The following CLEC12A variants were observed in gnomAD, a reference collection of about 807,000 sequenced individuals.
CLEC12A encodes the protein C-type lectin domain family 12 member A, also known as C-type lectin protein CLL-1.
CLEC12A carries 22 observed loss-of-function variants against 26.5 expected under a neutral mutation model. The ratio of observed to expected loss-of-function variants is 0.83; its 90% CI spans 0.59 to 1.19. CLEC12A has a LOEUF of 1.19. Among genes scored for constraint, CLEC12A ranks in the 50% most tolerant of loss-of-function variants. CLEC12A has a pLI of 0.00. For synonymous variants in CLEC12A, 119 were observed against 101.9 expected (o/e 1.17, Z -1.01); for missense variants, 353 against 315.6 (o/e 1.12, Z -0.90).
chr12:9,958,991 C>G (rs926353112), intron 1 of CLEC12A, among the ~76,000 whole-genome samples: 1 of 152,192 alleles, frequency 6.6e-6, no homozygotes, highest in African/African-American at 2.4e-5. Flanking sequence ...GTAATAAGCT[C>G]TGGAAGACTT....
chr12:9,959,533 A>G (rs1329767306), intron 1 of CLEC12A, among the ~76,000 whole-genome samples: 1 of 151,674 alleles, frequency 6.6e-6, no homozygotes, highest in Admixed American at 6.6e-5. Context: ...TTTTAATGGT[A>G]ATGAGTCCCT....
chr12:9,964,914 G>A (rs1288298952), intron 1 of CLEC12A, among the ~76,000 whole-genome samples: 4 of 152,146 alleles, frequency 2.6e-5, no homozygotes, highest in African/African-American at 9.7e-5. Context: ...CAGTCATAGG[G>A]GTCAGGTGTG....
chr12:9,995,324 G>C, exon 5 of CLEC12A: 1 of 1,207,920 alleles, frequency 8.3e-7, no homozygotes, highest in Non-Finnish European at 1.2e-6. Flanking sequence ...TTCATGATAA[G>C]ACGTTGGACA....
chr12:9,985,116 A>C lies in CLEC12A; in HGVS notation c.*90A>C. On this transcript the variant is annotated 3_prime_UTR_variant, in exon 6 of 6. Coordinates refer to ENST00000304361, the MANE Select transcript of CLEC12A (RefSeq NM_138337.6). ...ATATTTTCTGGTTGACAATTAGTTG[A>C]GTTTGTCTGAAGACCTGGGATTTTA... The C allele has an allele frequency of 7.7e-7, 1 of 1,291,992 alleles. No individual in the cohort carries two copies. The highest frequency in any genetic ancestry group is 9.9e-7 in the Non-Finnish European group (1 of 1,012,370). The allele number at this position is 1,291,992 out of a possible 1,614,324, so 80.0% of individuals were successfully genotyped here.
intron 4 of CLEC12A, among the ~76,000 whole-genome samples, chr12:9,981,518 A>G (rs1408247136): frequency 6.6e-6 from 1 of 152,212 alleles, no homozygotes; most frequent in Non-Finnish European, 1.5e-5. Flanking sequence ...ACCCATTCAC[A>G]GTTACTTACT....
the CLEC12A span, among the ~76,000 whole-genome samples, chr12:10,002,684 C>T: frequency 6.6e-6 from 1 of 152,004 alleles, no homozygotes; most frequent in Non-Finnish European, 1.5e-5. Flanking sequence ...CCTCGTGATC[C>T]GCCCGCCTCG....
downstream of CLEC12A, among the ~76,000 whole-genome samples, chr12:9,987,839 G>T (rs923967903): frequency 4.6e-5 from 7 of 150,576 alleles, no homozygotes; most frequent in South Asian, 1.5e-3. Context: ...ACAGAGTCTC[G>T]CTCTTGTCAC....
At chr12:9,976,310 C>T (rs188704558) in intron 1 of CLEC12A, among the ~76,000 whole-genome samples, 97 of 152,326 alleles carry the variant, frequency 6.4e-4, no homozygotes, top group African/African-American at 2.3e-3. Flanking sequence ...ATGAGGGAGA[C>T]TGTACCTTGC....
intron 5 of CLEC12A, chr12:9,983,579 T>C (rs972483339): frequency 1.0e-5 from 7 of 681,232 alleles, no homozygotes; most frequent in Middle Eastern, 3.8e-4. Context: ...CTGGACACTA[T>C]TGGAAGTCCA....
chr12:9,992,993 T>A, intron 4 of CLEC12A: 1 of 674,380 alleles, frequency 1.5e-6, no homozygotes, highest in Non-Finnish European at 2.5e-6. Context: ...AAGAAGGGAC[T>A]AGGTAATTCT....
At chr12:9,995,358 T>C (rs556444236) in exon 5 of CLEC12A, 1 of 844,512 alleles carries the variant, frequency 1.2e-6, no homozygotes, top group Admixed American at 1.7e-5. Context: ...TACATGTCTA[T>C]ATTAGTATTA....
At position 9,971,565 on chromosome 12, in the gene CLEC12A, C is replaced by T. The variant is rs1413899825; in HGVS notation, c.-32C>T. ...ACTCACTCATCTTTTTGTGTTTTTA[C>T]ACTTTGTCAAGATTTCTTTACATAT... is the stretch of plus-strand genomic sequence containing the variant. On this transcript the variant is annotated 5_prime_UTR_variant, in exon 1 of 6. Coordinates refer to ENST00000304361, the MANE Select transcript of CLEC12A (RefSeq NM_138337.6). 3 of 1,590,960 alleles carry T rather than the reference C, an allele frequency of 1.9e-6. No individual in the cohort carries two copies. The highest frequency in any genetic ancestry group is 2.6e-6 in the Non-Finnish European group (3 of 1,170,244).
chr12:9,982,255 A>G (rs543512787), intron 5 of CLEC12A, 126 bp downstream of exon 5: 4 of 603,306 alleles, frequency 6.6e-6, no homozygotes, highest in African/African-American at 2.0e-5. Context: ...ACCCTTTTCT[A>G]TCATGCTTCT....
intron 3 of CLEC12A, among the ~76,000 whole-genome samples, chr12:9,980,314 T>G (rs1349726180): frequency 2.0e-5 from 3 of 151,238 alleles, no homozygotes; most frequent in East Asian, 3.9e-4. Flanking sequence ...AGAAACGGCA[T>G]GTAATCCCAG....
chr12:9,979,580 C>G, intron 3 of CLEC12A, 56 bp downstream of exon 3: 1 of 1,313,270 alleles, frequency 7.6e-7, no homozygotes, highest in Non-Finnish European at 1.1e-6. Flanking sequence ...ACCACTGAGT[C>G]TCTTAAGAAT....
At chr12:9,995,095 A>C in exon 5 of CLEC12A, 1 of 1,603,944 alleles carries the variant, frequency 6.2e-7, no homozygotes, top group Non-Finnish European at 8.5e-7. Context: ...CTCAAGAATA[A>C]GAGTTTCCAG....
rs1864585109 is a variant in CLEC12A at position 9,982,138 on chromosome 12, C to T, written c.641+9C>T. 1 of 1,421,340 alleles carries T rather than the reference C, an allele frequency of 7.0e-7. No individual in the cohort carries two copies. Among genetic ancestry groups the T allele is most frequent in the African/African-American group, 1.4e-5 (1 of 70,918 alleles). 88.0% of individuals were successfully genotyped at this position (1,421,340 alleles called of 1,614,324 possible). A position where few individuals can be genotyped will look rare whatever the true frequency, so the allele number is the denominator to read the frequency against. On this transcript the variant is annotated intron_variant, in intron 5 of 5. Transcript: ENST00000304361. ...ATCAACTCCTCTGCCTGGTAAGTGT[C>T]TATTCTTGTTAGAATTTTATAGCTG... is the stretch of plus-strand genomic sequence containing the variant.
chr12:10,003,413 G>A, the CLEC12A span, among the ~76,000 whole-genome samples: 4 of 152,190 alleles, frequency 2.6e-5, no homozygotes, highest in South Asian at 2.1e-4. Context: ...CAGTCATACC[G>A]CAAAGTTGAT....
intron 5 of CLEC12A, among the ~76,000 whole-genome samples, chr12:9,982,670 G>A (rs753237079): frequency 6.6e-6 from 1 of 152,042 alleles, no homozygotes; most frequent in Non-Finnish European, 1.5e-5. Flanking sequence ...TAGGGGGTAC[G>A]ATTGCAATTT....
Sources: allele counts gnomAD v4.1 joint callset (sites outside exome capture counted in the v4.1 genomes callset), GRCh38; gene constraint gnomAD v4.1.1; transcripts MANE v1.5; gene names NCBI Gene and HGNC (gene_info 2026-07-23, HGNC 2026-07-21).